Variants in DENND4C observed in about 807,000 individuals in gnomAD.
DENND4C encodes the protein DENN domain containing 4C, also known as DENN domain-containing protein 4C.
In DENND4C, 108 loss-of-function variants were observed where a neutral mutation model predicts 203.0. The observed-to-expected ratio is 0.53, with a 90% CI of 0.46 to 0.62. DENND4C has a LOEUF of 0.62. Among genes scored for constraint, DENND4C ranks in the 20% least tolerant of loss-of-function variants. The pLI is 0.00. For synonymous variants in DENND4C, 871 were observed against 792.4 expected (o/e 1.10, Z -1.67); for missense variants, 2,481 against 2,301.2 (o/e 1.08, Z -1.60).
chr9:19,305,434 C>CA lies in DENND4C; in HGVS notation c.1395dup (p.Phe466IlefsTer6). ...GCTGCAGTGCTTAGTGCACCTTTAC[C>CA]ATTTATAGTTGGAGTTGACTCAAGG... On this transcript the variant is annotated frameshift_variant, in exon 10 of 33. Transcript: ENST00000434457. LOFTEE classifies it high-confidence loss of function. The CA allele has an allele frequency of 6.2e-7, 1 of 1,613,902 alleles. No homozygotes were observed. Among genetic ancestry groups the CA allele is most frequent in the Non-Finnish European group, 8.5e-7 (1 of 1,179,930 alleles).
At chr9:19,355,422 T>C (rs1222094947) in intron 26 of DENND4C, among the ~76,000 whole-genome samples, 4 of 152,228 alleles carry the variant, frequency 2.6e-5, no homozygotes, top group Non-Finnish European at 5.9e-5. Context: ...ATTTTACTTT[T>C]GATGTTTAGG....
intron 1 of DENND4C, among the ~76,000 whole-genome samples, chr9:19,232,559 A>G (rs1820846084): frequency 6.6e-6 from 1 of 152,230 alleles, no homozygotes; most frequent in Non-Finnish European, 1.5e-5. Context: ...GGAGTAATTT[A>G]GTCCTGTATG....
rs201265413 is a variant in DENND4C, at chr9:19,357,952, A to C, written c.4965-13A>C. 2 of 1,575,216 alleles carry C rather than the reference A, an allele frequency of 1.3e-6. No individual in the cohort carries two copies. Among genetic ancestry groups the C allele is most frequent in the Non-Finnish European group, 1.7e-6 (2 of 1,155,204 alleles). On this transcript the variant is annotated splice_polypyrimidine_tract_variant and intron_variant, in intron 27 of 32. Transcript: ENST00000434457. ...AACATGAACATAGCATTTCTTCTAT[A>C]TTTATTTTTAAGTGATGAAATAAAG...
intron 10 of DENND4C, among the ~76,000 whole-genome samples, chr9:19,306,474 A>T (rs1178722487): frequency 6.6e-6 from 1 of 152,140 alleles, no homozygotes; most frequent in Non-Finnish European, 1.5e-5. Flanking sequence ...GTAATGAACA[A>T]CTTGCATGAA....
intron 1 of DENND4C, among the ~76,000 whole-genome samples, chr9:19,232,958 T>G (rs1820949927): frequency 6.6e-6 from 1 of 151,996 alleles, no homozygotes; most frequent in Non-Finnish European, 1.5e-5. Context: ...CAAATACTGG[T>G]TTTGCATTGG....
At chr9:19,303,962 C>A (rs1435110518) in intron 9 of DENND4C, among the ~76,000 whole-genome samples, 2 of 150,680 alleles carry the variant, frequency 1.3e-5, no homozygotes, top group Admixed American at 6.6e-5. Context: ...GTCCTCCTGC[C>A]TCAGCCTCCC....
chr9:19,293,601 A>G (rs1399024502), intron 5 of DENND4C, among the ~76,000 whole-genome samples: 1 of 152,214 alleles, frequency 6.6e-6, no homozygotes, highest in Non-Finnish European at 1.5e-5. Flanking sequence ...GGGGATGGGT[A>G]TAGTGATAGA....
Position 19,346,157 on chromosome 9 carries a change from A to T in DENND4C, c.3388A>T (p.Thr1130Ser), listed in dbSNP as rs985342344. 6.2e-7 allele frequency: 1 copy of T among 1,614,124 alleles called. No homozygotes were observed. The highest frequency in any genetic ancestry group is 1.3e-5 in the African/African-American group (1 of 74,954). Residue 1130 changes from threonine (T) to serine (S), a missense_variant, in exon 23 of 33, where the codon ACA (threonine) becomes TCA (serine). By Grantham distance (58) the Thr-to-Ser change is moderately conservative. Coordinates refer to ENST00000434457, the MANE Select transcript of DENND4C (RefSeq NM_001330640.2). ...GATGGGAGCAGATGCCAAGATTCTC[A>T]CAGCAGCATTGACATGTCCTAAGAC... The part of the protein sequence containing the change: ...IMMGADAKIL[T>S]AALTCPKTSL...
rs191157603 is a variant in DENND4C at position 19,298,693 on chromosome 9, A to G, written c.1108-536A>G. Reference sequence around the variant, plus strand: ...TTGCTTAATGGTTTGCTCTTCATTTATATACTGTATCTTTCTGGACCATAA... The same window carrying G: ...TTGCTTAATGGTTTGCTCTTCATTTGTATACTGTATCTTTCTGGACCATAA... On this transcript the variant is annotated intron_variant, in intron 7 of 32. Coordinates refer to ENST00000434457, the MANE Select transcript of DENND4C (RefSeq NM_001330640.2). 9.9e-5 allele frequency among the ~76,000 whole-genome samples: 15 copies of G among 152,244 alleles called. No homozygotes were observed. The East Asian group carries it at 2.7e-3, about 27-fold the overall frequency.
intron 15 of DENND4C, among the ~76,000 whole-genome samples, chr9:19,327,481 T>C (rs1818064924): frequency 6.6e-6 from 1 of 152,030 alleles, no homozygotes; most frequent in South Asian, 2.1e-4. Flanking sequence ...ATTCTATTAT[T>C]GGGTATTTGT....
chr9:19,363,700 A>T (rs1827006431), intron 30 of DENND4C, among the ~76,000 whole-genome samples: 1 of 152,078 alleles, frequency 6.6e-6, no homozygotes, highest in African/African-American at 2.4e-5. Flanking sequence ...AGTGAAATAT[A>T]ACTTTATATT....
chr9:19,287,104 ATACTCACATTT>A lies in DENND4C; in HGVS notation c.558+86_558+96del, dbSNP rs1835349044. The A allele has an allele frequency of 4.4e-6, 5 of 1,139,764 alleles. No homozygotes were observed. The African/African-American group carries it at 6.4e-5, about 15-fold the overall frequency. 70.6% of individuals were successfully genotyped at this position (1,139,764 alleles called of 1,614,324 possible). ...TGGATTCCTGTTTACTGTTGGGTATATACTCACATTTTATATTTTCATGATGCTTGTTTTTA... is the reference window on the plus strand; with the variant it reads ...TGGATTCCTGTTTACTGTTGGGTATATATATTTTCATGATGCTTGTTTTTA... On this transcript the variant is annotated intron_variant, in intron 3 of 32. Transcript: ENST00000434457.
At position 19,326,080 on chromosome 9, in the gene DENND4C, C is replaced by G. The variant is rs1229179735; in HGVS notation, c.2006C>G (p.Ala669Gly). The change falls in exon 15 of 33, where the codon GCA (alanine) becomes GGA (glycine). Residue 669 changes from alanine (A) to glycine (G), a missense_variant. By Grantham distance (60) the Ala-to-Gly change is moderately conservative. Around this residue, in one of 3 missense-constraint regions of DENND4C, gnomAD observed 2,289 missense variants for 2,113.3 expected, o/e 1.08. Transcript: ENST00000434457. Reference sequence around the variant, plus strand: ...GATTTTCAGGTTGATTTTGATTCAGCAGAAGATACCAGATTGATAGAACTA... The same window carrying G: ...GATTTTCAGGTTGATTTTGATTCAGGAGAAGATACCAGATTGATAGAACTA... ...EKTDKVDFDSAEDTRLIELDD... is the reference protein window; with the variant it reads ...EKTDKVDFDSGEDTRLIELDD... 6.2e-7 allele frequency: 1 copy of G among 1,609,986 alleles called. No homozygotes were observed. Among genetic ancestry groups the G allele is most frequent in the Admixed American group, 1.7e-5 (1 of 59,066 alleles).
intron 3 of DENND4C, among the ~76,000 whole-genome samples, 193 bp downstream of exon 3, chr9:19,287,214 G>C (rs1020118272): frequency 6.6e-6 from 1 of 152,044 alleles, no homozygotes; most frequent in African/African-American, 2.4e-5. Context: ...TCATCTTTAA[G>C]TCAGGGATAT....
intron 1 of DENND4C, among the ~76,000 whole-genome samples, chr9:19,252,174 G>C (rs947418215): frequency 1.3e-5 from 2 of 152,188 alleles, no homozygotes; most frequent in African/African-American, 4.8e-5. Context: ...GCAAGGAGGA[G>C]CAAGTCACGT....
At chr9:19,365,229 G>A (rs1220734573) in intron 30 of DENND4C, among the ~76,000 whole-genome samples, 1 of 152,170 alleles carries the variant, frequency 6.6e-6, no homozygotes, top group African/African-American at 2.4e-5. Flanking sequence ...TTTATCTCAA[G>A]CATGCAATTG....
intron 5 of DENND4C, among the ~76,000 whole-genome samples, chr9:19,292,047 G>A (rs976040651): frequency 6.6e-6 from 1 of 151,066 alleles, no homozygotes; most frequent in Non-Finnish European, 1.5e-5. Flanking sequence ...TTTTTGAGAC[G>A]GAATGTCACT....
chr9:19,305,952 T>G (rs1839565562), intron 10 of DENND4C, among the ~76,000 whole-genome samples: 3 of 152,210 alleles, frequency 2.0e-5, no homozygotes, highest in Admixed American at 2.0e-4. Context: ...TGCTTAGTTG[T>G]CGGGATTTTA....
intron 30 of DENND4C, among the ~76,000 whole-genome samples, chr9:19,363,466 C>T (rs1186587445): frequency 6.6e-6 from 1 of 151,598 alleles, no homozygotes; most frequent in Non-Finnish European, 1.5e-5. Flanking sequence ...GAGCCAAGAT[C>T]ACTCCAGCCT....
Sources: allele counts gnomAD v4.1 joint callset (sites outside exome capture counted in the v4.1 genomes callset), GRCh38; gene constraint gnomAD v4.1.1; regional missense constraint gnomAD v4.1.1; transcripts MANE v1.5; gene names NCBI Gene and HGNC (gene_info 2026-07-23, HGNC 2026-07-21).